The following FAM227B variants were observed in gnomAD, a reference collection of about 807,000 sequenced individuals.
FAM227B encodes protein FAM227B.
FAM227B carries 88 observed loss-of-function variants against 73.8 expected under a neutral mutation model. The observed-to-expected ratio is 1.19, with a 90% confidence interval of 1.00 to 1.42. The LOEUF is 1.42. Ranked by LOEUF, FAM227B falls within the 40% of genes most tolerant of loss-of-function variation. The pLI is 0.00. For synonymous variants in FAM227B, 210 were observed against 190.5 expected (o/e 1.10, Z -0.84); for missense variants, 632 against 590.9 (o/e 1.07, Z -0.72).
rs564083180 is a variant in FAM227B, at chr15:49,531,496, A to G, written c.874+10184T>C. On this transcript the variant is annotated intron_variant, in intron 10 of 15. Transcript: ENST00000299338. ...CAACTTGCAAATATTTAAAATCAAA[A>G]TTCCATTTCTGAATATAAAAACACA... Among the ~76,000 whole-genome samples the G allele has an allele frequency of 2.0e-5, 3 of 152,154 alleles. No homozygotes were observed. The South Asian group carries it at 6.2e-4, about 32-fold the overall frequency.
At chr15:49,430,641 C>T (rs1043847414) in intron 11 of FAM227B, among the ~76,000 whole-genome samples, 1 of 151,826 alleles carries the variant, frequency 6.6e-6, no homozygotes, top group Non-Finnish European at 1.5e-5. Flanking sequence ...CTTGCTGTGT[C>T]ATTCCATGGT....
chr15:49,616,907 C>G (rs1171360916), intron 1 of FAM227B, among the ~76,000 whole-genome samples: 3 of 152,076 alleles, frequency 2.0e-5, no homozygotes, highest in Non-Finnish European at 4.4e-5. Flanking sequence ...TTGTACTTTT[C>G]TTTATCTTGG....
At chr15:49,409,209 G>A (rs2048715527) in intron 11 of FAM227B, among the ~76,000 whole-genome samples, 1 of 151,956 alleles carries the variant, frequency 6.6e-6, no homozygotes, top group South Asian at 2.1e-4. Flanking sequence ...CTTTACATGT[G>A]AACTGACCAT....
At chr15:49,608,982 A>T (rs2077707345) in intron 3 of FAM227B, among the ~76,000 whole-genome samples, 1 of 152,014 alleles carries the variant, frequency 6.6e-6, no homozygotes, top group Non-Finnish European at 1.5e-5. Context: ...GAGATGAGAC[A>T]AAAAGGGGGA....
At chr15:49,528,746 A>ATCTTC (rs2060391778) in intron 10 of FAM227B, among the ~76,000 whole-genome samples, 1 of 151,966 alleles carries the variant, frequency 6.6e-6, no homozygotes, top group African/African-American at 2.4e-5. Flanking sequence ...ATCACTGATT[A>ATCTTC]TCAGAGAAGC....
chr15:49,603,452 T>C (rs567598783), intron 3 of FAM227B, among the ~76,000 whole-genome samples: 127 of 152,326 alleles, frequency 8.3e-4, no homozygotes, highest in Non-Finnish European at 5.7e-4. Context: ...TCTTGGCATA[T>C]AGAAATGCTG....
At chr15:49,391,598 A>G (rs1398683831) in intron 11 of FAM227B, among the ~76,000 whole-genome samples, 1 of 152,132 alleles carries the variant, frequency 6.6e-6, no homozygotes, top group East Asian at 1.9e-4. Context: ...GGAGAGAGTA[A>G]TGCCCACAGG....
intron 11 of FAM227B, among the ~76,000 whole-genome samples, chr15:49,392,294 AT>A (rs1330547957): frequency 6.6e-6 from 1 of 152,134 alleles, no homozygotes; most frequent in Non-Finnish European, 1.5e-5. Flanking sequence ...TTGGAGAAGG[AT>A]TGAGTTCTAG....
At chr15:49,532,277 T>A (rs2060667198) in intron 10 of FAM227B, among the ~76,000 whole-genome samples, 3 of 151,636 alleles carry the variant, frequency 2.0e-5, no homozygotes, top group East Asian at 1.9e-4. Context: ...GAAGAAAGCC[T>A]GTGGTGAAAA....
At chr15:49,526,078 A>G (rs1337159298) in intron 10 of FAM227B, among the ~76,000 whole-genome samples, 2 of 152,084 alleles carry the variant, frequency 1.3e-5, no homozygotes, top group African/African-American at 2.4e-5. Flanking sequence ...AGAAGATTCT[A>G]CCCAACAATT....
rs1432810961 is a variant in FAM227B at position 49,422,118 on chromosome 15, C to CAGAGAGAGAGAGAGAGAGAGAGAGAGAG, written c.1013-50720_1013-50719insCTCTCTCTCTCTCTCTCTCTCTCTCTCT. ...CCTGGTGGTAAAGTAGTGCATTTCACATAGAGAGAGAGAGAGAGAGAGAGA... is the reference window on the plus strand; with the variant it reads ...CCTGGTGGTAAAGTAGTGCATTTCACAGAGAGAGAGAGAGAGAGAGAGAGAGAGATAGAGAGAGAGAGAGAGAGAGAGA... On this transcript the variant is annotated intron_variant, in intron 11 of 15. Coordinates refer to ENST00000299338, the MANE Select transcript of FAM227B (RefSeq NM_152647.3). Among the ~76,000 whole-genome samples, 175 of 79,000 alleles carry CAGAGAGAGAGAGAGAGAGAGAGAGAGAG rather than the reference C, an allele frequency of 2.2e-3. 1 individual carries two copies. The highest frequency in any genetic ancestry group is 0.013 in the South Asian group (27 of 2,082). The allele number at this position is 79,000 out of a possible 152,430, so 51.8% of individuals were successfully genotyped here.
At chr15:49,439,188 T>C (rs1390019436) in intron 11 of FAM227B, among the ~76,000 whole-genome samples, 2 of 151,652 alleles carry the variant, frequency 1.3e-5, no homozygotes, top group African/African-American at 2.4e-5. Flanking sequence ...GGCAACTTCC[T>C]CTTTGCTATG....
At chr15:49,475,264 AT>A (rs1267692118) in intron 11 of FAM227B, among the ~76,000 whole-genome samples, 1 of 152,218 alleles carries the variant, frequency 6.6e-6, no homozygotes, top group Non-Finnish European at 1.5e-5. Flanking sequence ...TTAGGAGTTT[AT>A]TCATGAGTTT....
chr15:49,357,807 T>C (rs1052582160), intron 13 of FAM227B, among the ~76,000 whole-genome samples: 3 of 152,042 alleles, frequency 2.0e-5, no homozygotes, highest in African/African-American at 7.2e-5. Flanking sequence ...TAGACCAATA[T>C]CCTTGATGAA....
At chr15:49,493,046 T>C (rs1274478564) in intron 11 of FAM227B, among the ~76,000 whole-genome samples, 7 of 151,856 alleles carry the variant, frequency 4.6e-5, no homozygotes, top group Non-Finnish European at 1.0e-4. Flanking sequence ...ATCTGTTCCT[T>C]TATCCAGTAA....
chr15:49,544,172 C>T (rs1019865141), intron 9 of FAM227B, among the ~76,000 whole-genome samples: 3 of 152,094 alleles, frequency 2.0e-5, no homozygotes, highest in Admixed American at 1.3e-4. Flanking sequence ...TTTGTTTCAG[C>T]AGTGTTTTAT....
At chr15:49,427,081 A>G (rs2050195394) in intron 11 of FAM227B, among the ~76,000 whole-genome samples, 2 of 152,004 alleles carry the variant, frequency 1.3e-5, no homozygotes, top group South Asian at 4.1e-4. Flanking sequence ...ATAACATGTT[A>G]GAAGAAAATT....
At chr15:49,593,254 C>T (rs1351272086) in intron 3 of FAM227B, among the ~76,000 whole-genome samples, 2 of 152,132 alleles carry the variant, frequency 1.3e-5, no homozygotes, top group African/African-American at 4.8e-5. Context: ...CAGAAATCAC[C>T]CGTCTTCTGC....
intron 9 of FAM227B, among the ~76,000 whole-genome samples, chr15:49,566,730 G>A (rs778882793): frequency 4.6e-5 from 7 of 152,156 alleles, no homozygotes; most frequent in Non-Finnish European, 1.0e-4. Context: ...GAGTTTTAAA[G>A]GAAGACTTAG....
Sources: gnomAD v4.1 joint callset for allele counts (sites outside exome capture counted in the v4.1 genomes callset) on GRCh38, gnomAD v4.1.1 for gene constraint, MANE v1.5 for transcripts, NCBI Gene and HGNC (gene_info 2026-07-23, HGNC 2026-07-21) for gene names.